The following MCTP1 variants were observed in gnomAD, a reference collection of about 807,000 sequenced individuals.
The protein encoded by MCTP1 is multiple C2 and transmembrane domain-containing protein 1.
A neutral mutation model predicts 120.6 loss-of-function variants in MCTP1; 69 were observed. That is an observed-to-expected ratio of 0.57 (90% CI 0.47 to 0.70). The LOEUF is 0.70. MCTP1 is among the 30% of genes least tolerant of loss of function. MCTP1 has a pLI of 0.00. For missense variants in MCTP1, 1,203 were observed against 1,248.8 expected (o/e 0.96, Z 0.55); for synonymous variants, 529 against 493.1 (o/e 1.07, Z -0.96).
At chr5:94,956,855 CAGG>C (rs1822759520) in intron 2 of MCTP1, among the ~76,000 whole-genome samples, 1 of 152,010 alleles carries the variant, frequency 6.6e-6, no homozygotes, top group Admixed American at 6.6e-5. Context: ...TCAGGATATC[CAGG>C]AGAACTTCCC....
chr5:95,283,633 G>A (rs1050675579), intron 1 of MCTP1, among the ~76,000 whole-genome samples: 2 of 152,232 alleles, frequency 1.3e-5, no homozygotes, highest in African/African-American at 2.4e-5. Flanking sequence ...CTGGTGACAG[G>A]TATCATTTCT....
intron 1 of MCTP1, among the ~76,000 whole-genome samples, chr5:95,280,162 A>G (rs865825898): frequency 5.3e-5 from 8 of 152,240 alleles, no homozygotes; most frequent in African/African-American, 1.9e-4. Context: ...GATACACTTC[A>G]TGTATAGACT....
chr5:94,741,263 C>G (rs1765464945), intron 19 of MCTP1, among the ~76,000 whole-genome samples: 1 of 151,932 alleles, frequency 6.6e-6, no homozygotes, highest in South Asian at 2.1e-4. Flanking sequence ...ACATAGTGAC[C>G]CTTGTAAATT....
intron 1 of MCTP1, among the ~76,000 whole-genome samples, chr5:95,090,066 C>T (rs1191279661): frequency 1.3e-5 from 2 of 152,242 alleles, no homozygotes; most frequent in East Asian, 3.9e-4. Flanking sequence ...TTCCTCTCCA[C>T]ATCATGAAAC....
chr5:95,061,407 G>GCTTAAGGGTT (rs1562094856), intron 1 of MCTP1, among the ~76,000 whole-genome samples: 1 of 67,858 alleles, frequency 1.5e-5, no homozygotes, highest in Non-Finnish European at 2.9e-5. Flanking sequence ...ACCCCTTAAG[G>GCTTAAGGGTT]GTTTTTTTTT....
chr5:94,756,017 T>C (rs1394993217), intron 19 of MCTP1, among the ~76,000 whole-genome samples: 1 of 152,178 alleles, frequency 6.6e-6, no homozygotes, highest in Non-Finnish European at 1.5e-5. Flanking sequence ...CTTGACAATT[T>C]TCCTGGGCAC....
chr5:94,976,843 G>A (rs569523016), intron 2 of MCTP1: 1 of 152,110 alleles, frequency 6.6e-6, no homozygotes, highest in African/African-American at 2.4e-5. Flanking sequence ...CATAATAAAG[G>A]CCAGATGTGA....
rs1428130909 is a variant in MCTP1, at chr5:94,953,348, T to C, written c.852A>G (p.Pro284=). The C allele has an allele frequency of 8.7e-6, 14 of 1,606,360 alleles. No homozygotes were observed. Among genetic ancestry groups the C allele is most frequent in the Non-Finnish European group, 1.2e-5 (14 of 1,175,562 alleles). ...TTCCTCCGATTTTAAACTTCACATATGGATCACTCGTCCCTGTTAAATAGA... is the reference window on the plus strand; with the variant it reads ...TTCCTCCGATTTTAAACTTCACATACGGATCACTCGTCCCTGTTAAATAGA... ...AARDRGGTSD[P]YVKFKIGGKE... Residue 284 remains proline, a synonymous_variant, in exon 3 of 23, where the codon CCA becomes CCG. Transcript: ENST00000515393.
At chr5:95,249,111 T>A (rs548733232) in intron 1 of MCTP1, among the ~76,000 whole-genome samples, 109 of 152,184 alleles carry the variant, frequency 7.2e-4, no homozygotes, top group African/African-American at 2.6e-3. Flanking sequence ...AGTAAAGACT[T>A]CATGACTAAA....
At chr5:94,910,402 A>G (rs1808255068) in intron 9 of MCTP1, among the ~76,000 whole-genome samples, 1 of 152,082 alleles carries the variant, frequency 6.6e-6, no homozygotes, top group Non-Finnish European at 1.5e-5. Context: ...AATTCCATTC[A>G]CCATTGGGTT....
intron 2 of MCTP1, among the ~76,000 whole-genome samples, chr5:94,978,321 T>C (rs1476061914): frequency 6.6e-6 from 1 of 152,070 alleles, no homozygotes; most frequent in Non-Finnish European, 1.5e-5. Flanking sequence ...AAAATAGAGC[T>C]ACCATATGAT....
chr5:95,118,914 A>G (rs921878792), intron 1 of MCTP1, among the ~76,000 whole-genome samples: 3 of 152,242 alleles, frequency 2.0e-5, no homozygotes, highest in African/African-American at 7.2e-5. Flanking sequence ...AAAGAGAGAA[A>G]TAGACTCCAA....
At chr5:95,155,311 C>T (rs1201415469) in intron 1 of MCTP1, among the ~76,000 whole-genome samples, 4 of 152,000 alleles carry the variant, frequency 2.6e-5, no homozygotes, top group African/African-American at 7.2e-5. Flanking sequence ...ATCAAGTATA[C>T]AATTTATGGA....
chr5:94,712,240 G>A (rs1047438217), intron 20 of MCTP1, among the ~76,000 whole-genome samples: 2 of 152,080 alleles, frequency 1.3e-5, no homozygotes, highest in African/African-American at 4.8e-5. Flanking sequence ...ATATGTTTAT[G>A]TGAATCAAGA....
chr5:95,002,975 G>C (rs1010664443), intron 2 of MCTP1, among the ~76,000 whole-genome samples: 1 of 152,078 alleles, frequency 6.6e-6, no homozygotes, highest in Admixed American at 6.5e-5. Flanking sequence ...TTGAATCATG[G>C]GGGCAGCTTC....
Position 94,936,238 on chromosome 5 carries a change from G to GAA in MCTP1, c.1173+3844_1173+3845dup, listed in dbSNP as rs34826731. 6.6e-5 allele frequency among the ~76,000 whole-genome samples: 10 copies of GAA among 151,392 alleles called. No individual in the cohort carries two copies. The South Asian group carries it at 1.5e-3, about 22-fold the overall frequency. ...CTCAGGGATTTGAATATTGAGGTAA[G>GAA]AAAAAAAACCATACACCCTCCCTTG... On this transcript the variant is annotated intron_variant, in intron 5 of 22. Transcript: ENST00000515393.
chr5:95,169,150 T>C (rs1408738534), intron 1 of MCTP1, among the ~76,000 whole-genome samples: 1 of 152,276 alleles, frequency 6.6e-6, no homozygotes, highest in Non-Finnish European at 1.5e-5. Context: ...TCTTTTGAGA[T>C]AATCATGTGG....
intron 1 of MCTP1, among the ~76,000 whole-genome samples, chr5:95,215,932 A>G (rs1275312677): frequency 1.3e-5 from 2 of 152,200 alleles, no homozygotes; most frequent in East Asian, 1.9e-4. Flanking sequence ...ACAAAAATAT[A>G]CAAACAAGAA....
At chr5:95,104,465 T>C (rs1467188777) in intron 1 of MCTP1, among the ~76,000 whole-genome samples, 1 of 152,222 alleles carries the variant, frequency 6.6e-6, no homozygotes, top group Non-Finnish European at 1.5e-5. Flanking sequence ...GAAAAATGTC[T>C]AAGTAATGCT....
Sources: gnomAD v4.1 joint callset for allele counts (sites outside exome capture counted in the v4.1 genomes callset) on GRCh38, gnomAD v4.1.1 for gene constraint, MANE v1.5 for transcripts, NCBI Gene and HGNC (gene_info 2026-07-23, HGNC 2026-07-21) for gene names.